SLC9A3: variants seen among roughly 807,000 people sequenced by gnomAD.
SLC9A3 encodes sodium/hydrogen exchanger 3.
A neutral mutation model predicts 86.8 loss-of-function variants in SLC9A3; 37 were observed. The observed-to-expected ratio is 0.43, with a 90% CI of 0.33 to 0.56. The LOEUF (loss-of-function observed/expected upper bound fraction) is 0.56, where lower values mean the gene tolerates loss of function less well. Ranked by LOEUF, SLC9A3 falls within the 20% of genes least tolerant of loss-of-function variation. SLC9A3 has a pLI of 0.06. For synonymous variants in SLC9A3, 581 were observed against 528.3 expected (o/e 1.10, Z -1.37); for missense variants, 1,011 against 1,171.9 (o/e 0.86, Z 2.00).
At chr5:507,227 G>A (rs1184394020) in intron 1 of SLC9A3, among the ~76,000 whole-genome samples, 3 of 98,596 alleles carry the variant, frequency 3.0e-5, no homozygotes, top group Admixed American at 3.0e-4. Context: ...GGAGTGCGGT[G>A]GCGCGATCTG....
rs760517090 is a variant in SLC9A3 at position 484,618 on chromosome 5, GA to G, written c.833del (p.Phe278SerfsTer22). The G allele has an allele frequency of 6.2e-7, 1 of 1,613,302 alleles. No individual in the cohort carries two copies. On this transcript the variant is annotated frameshift_variant, in exon 5 of 17. Coordinates refer to ENST00000264938, the MANE Select transcript of SLC9A3 (RefSeq NM_004174.4). LOFTEE classifies it high-confidence loss of function. ...FAFLLSLVTR[F>X]TKHVRIIEPG... is the part of the protein sequence containing the mutation. ...GCTCGATGATACGCACATGCTTGGTGAAGCGCGTCACCAGCGACAGCAGGAA... is the reference window on the plus strand; with the variant it reads ...GCTCGATGATACGCACATGCTTGGTGAGCGCGTCACCAGCGACAGCAGGAA...
At position 524,228 on chromosome 5, in the gene SLC9A3, G is replaced by C; in HGVS notation, c.95C>G (p.Pro32Arg). The change falls in exon 1 of 17, where the codon CCC (proline) becomes CGC (arginine). Residue 32 changes from proline (P) to arginine (R), a missense_variant. Pro to Arg is a moderately radical substitution (Grantham distance 103). Transcript: ENST00000264938. ...CCCGCTCTCGCCGTGCGCGCCGCCG[G>C]GCTCCACCTCGACGCCCCCGGCCCG... is the stretch of plus-strand genomic sequence containing the variant. ...LARAGGVEVEPGGAHGESGGF... is the reference protein window; with the variant it reads ...LARAGGVEVERGGAHGESGGF... 1 of 1,503,794 alleles carries C rather than the reference G, an allele frequency of 6.6e-7. No individual in the cohort carries two copies. Among genetic ancestry groups the C allele is most frequent in the African/African-American group, 1.4e-5 (1 of 69,302 alleles). The allele number at this position is 1,503,794 out of a possible 1,614,324, so 93.2% of individuals were successfully genotyped here. A position where few individuals can be genotyped will look rare whatever the true frequency, so the allele number is the denominator to read the frequency against.
chr5:485,362 CA>C, intron 3 of SLC9A3, 131 bp from the exon 4 acceptor site: 1 of 736,122 alleles, frequency 1.4e-6, no homozygotes, highest in Non-Finnish European at 2.4e-6. Flanking sequence ...GGAAAATCAT[CA>C]CAGGGCAATG....
chr5:500,036 G>T (rs532291632), intron 1 of SLC9A3, among the ~76,000 whole-genome samples: 3 of 152,384 alleles, frequency 2.0e-5, no homozygotes, highest in African/African-American at 7.2e-5. Context: ...TGGCTGGGAC[G>T]CAACAGGCAG....
At chr5:490,720 T>A (rs1415870993) in intron 2 of SLC9A3, among the ~76,000 whole-genome samples, 4 of 152,170 alleles carry the variant, frequency 2.6e-5, no homozygotes, top group African/African-American at 9.7e-5. Context: ...AGGCTTTCCC[T>A]TGGGTGCGGT....
chr5:520,459 T>C (rs1359079503), intron 1 of SLC9A3, among the ~76,000 whole-genome samples: 1 of 152,136 alleles, frequency 6.6e-6, no homozygotes, highest in African/African-American at 2.4e-5. Context: ...GCTGTGTCAC[T>C]GATGACCCTG....
rs1740020152 is a variant in SLC9A3 at position 496,342 on chromosome 5, TCC to T, written c.212-4273_212-4272del. 1.4e-5 allele frequency among the ~76,000 whole-genome samples: 2 copies of T among 141,148 alleles called. No individual in the cohort carries two copies. Among genetic ancestry groups the T allele is most frequent in the Non-Finnish European group, 3.2e-5 (2 of 63,254 alleles). 92.6% of individuals were successfully genotyped at this position (141,148 alleles called of 152,430 possible). A position where few individuals can be genotyped will look rare whatever the true frequency, so the allele number is the denominator to read the frequency against. On this transcript the variant is annotated intron_variant, in intron 1 of 16. Coordinates refer to ENST00000264938, the MANE Select transcript of SLC9A3 (RefSeq NM_004174.4). This position sits in a 1 kb window ranked among gnomAD's most constrained non-coding sequence, Gnocchi z 4.7. ...GCCCACGGGGGAGGAGCCGCACCCA[TCC>T]CCACCGGCCAGGCAGGCGTGAGCCA...
At chr5:495,323 C>CA (rs1560963785) in intron 1 of SLC9A3, among the ~76,000 whole-genome samples, 1 of 152,088 alleles carries the variant, frequency 6.6e-6, no homozygotes, top group Non-Finnish European at 1.5e-5. Context: ...GACACAGGGA[C>CA]CAGCTTTGTC....
intron 1 of SLC9A3, among the ~76,000 whole-genome samples, chr5:510,751 G>C (rs1024439906): frequency 3.9e-4 from 60 of 152,188 alleles, no homozygotes; most frequent in African/African-American, 1.3e-3. Context: ...ATCCTGCGGG[G>C]GGAAGGCGAG....
chr5:501,329 C>T (rs1740267925), intron 1 of SLC9A3, among the ~76,000 whole-genome samples: 1 of 152,202 alleles, frequency 6.6e-6, no homozygotes, highest in Admixed American at 6.5e-5. Flanking sequence ...GGCAGAGATT[C>T]AGCCGAGTCC....
At chr5:513,788 GC>G (rs1733643521) in intron 1 of SLC9A3, among the ~76,000 whole-genome samples, 1 of 152,242 alleles carries the variant, frequency 6.6e-6, no homozygotes, top group Non-Finnish European at 1.5e-5. Context: ...GTTCCTGACA[GC>G]TCCTTCTCAG....
intron 9 of SLC9A3, 30 bp downstream of exon 9, chr5:481,535 G>T: frequency 1.3e-6 from 2 of 1,581,652 alleles, no homozygotes; most frequent in South Asian, 1.1e-5. Flanking sequence ...CGGGCTGTGC[G>T]ACACCGCCGG....
chr5:471,543 C>T lies in SLC9A3; in HGVS notation c.*1836G>A, dbSNP rs150867648. ...CACTTGTGCCGGGAAGGCCAGGCCC[C>T]GGCCTGCTCCGATGAACGTCAGGAC... On this transcript the variant is annotated 3_prime_UTR_variant, in exon 17 of 17. Transcript: ENST00000264938. 260 of 349,764 alleles carry T rather than the reference C, an allele frequency of 7.4e-4. 1 individual carries two copies. The highest frequency in any genetic ancestry group is 4.8e-3 in the African/African-American group (225 of 46,734). 21.7% of individuals were successfully genotyped at this position (349,764 alleles called of 1,614,324 possible).
At chr5:522,264 G>T (rs1733905422) in intron 1 of SLC9A3, among the ~76,000 whole-genome samples, 1 of 152,222 alleles carries the variant, frequency 6.6e-6, no homozygotes, top group African/African-American at 2.4e-5. Flanking sequence ...CCCAGAACCA[G>T]TCCAAGTGTT....
Position 497,165 on chromosome 5 carries a change from C to T in SLC9A3, c.212-5094G>A, listed in dbSNP as rs1172373775. 2.6e-5 allele frequency among the ~76,000 whole-genome samples: 4 copies of T among 152,302 alleles called. No homozygotes were observed. In the East Asian group the frequency reaches 7.7e-4, roughly 29 times the overall value. The stretch of plus-strand genomic sequence containing the variant: ...CAGTCTTTCCACACAGATGTCTGTT[C>T]TTGAAATCCCCGAGCCTGGAAGTGG... On this transcript the variant is annotated intron_variant, in intron 1 of 16. Transcript: ENST00000264938. The surrounding 1 kb of genome is among the most constrained non-coding windows in gnomAD (Gnocchi z 5.4).
chr5:481,430 C>T, intron 9 of SLC9A3, 135 bp downstream of exon 9: 1 of 790,954 alleles, frequency 1.3e-6, no homozygotes, highest in South Asian at 1.5e-5. Flanking sequence ...GGCACCTGGC[C>T]TCATGGGGCA....
chr5:482,224 G>A (rs1441232255), intron 7 of SLC9A3, 67 bp from the exon 8 acceptor site: 7 of 1,261,692 alleles, frequency 5.5e-6, no homozygotes, highest in African/African-American at 3.0e-5. Flanking sequence ...CCGGCCAGGT[G>A]CACCACACAG....
Position 472,992 on chromosome 5 carries a change from G to A in SLC9A3, c.*387C>T. 2.1e-6 allele frequency: 1 copy of A among 482,856 alleles called. No homozygotes were observed. The highest frequency in any genetic ancestry group is 2.8e-5 in the South Asian group (1 of 35,934). 29.9% of individuals were successfully genotyped at this position (482,856 alleles called of 1,614,324 possible). A position where few individuals can be genotyped will look rare whatever the true frequency, so the allele number is the denominator to read the frequency against. ...CAGCGGCGTCTCCTCCTGCTCCAGC[G>A]CGTGCGGCGGTGCGTGGCACGAGGG... On this transcript the variant is annotated 3_prime_UTR_variant, in exon 17 of 17. Coordinates refer to ENST00000264938, the MANE Select transcript of SLC9A3 (RefSeq NM_004174.4).
In SLC9A3 at chr5:475,024, G is replaced by C; in HGVS notation, c.2360C>G (p.Ala787Gly). Residue 787 changes from alanine to glycine, a missense_variant, in exon 16 of 17, where the codon GCC becomes GGC. Around this residue, in one of 3 missense-constraint regions of SLC9A3, gnomAD observed 397 missense variants for 346.3 expected, o/e 1.15. Coordinates refer to ENST00000264938, the MANE Select transcript of SLC9A3 (RefSeq NM_004174.4). ...GGGAGAGTAGGGAATCTGCGTGCGG[G>C]CCCTCTGCGAGGGGACCACCGTCTC... ...PGETVVPSQR[A>G]RTQIPYSPGT... 6.2e-7 allele frequency: 1 copy of C among 1,612,336 alleles called. No individual in the cohort carries two copies. Among genetic ancestry groups the C allele is most frequent in the Non-Finnish European group, 8.5e-7 (1 of 1,179,750 alleles).
Sources: gnomAD v4.1 joint callset for allele counts (sites outside exome capture counted in the v4.1 genomes callset) on GRCh38, gnomAD v4.1.1 for gene constraint, gnomAD v4.1.1 regional missense constraint, Gnocchi (gnomAD v3.1) non-coding constraint, MANE v1.5 for transcripts, NCBI Gene and HGNC (gene_info 2026-07-23, HGNC 2026-07-21) for gene names.